Variants in MAGI2 observed in about 807,000 individuals in gnomAD.
MAGI2 encodes the protein membrane associated guanylate kinase, WW and PDZ domain containing 2.
A neutral mutation model predicts 133.3 loss-of-function variants in MAGI2; 35 were observed. The observed-to-expected ratio is 0.26, with a 90% confidence interval of 0.20 to 0.35. MAGI2 has a LOEUF of 0.35. MAGI2 is among the 10% of genes least tolerant of loss of function. MAGI2 has a pLI of 1.00. For synonymous variants in MAGI2, 729 were observed against 710.6 expected (o/e 1.03, Z -0.41); for missense variants, 1,636 against 1,863.4 (o/e 0.88, Z 2.25).
chr7:78,881,542 C>T (rs758998989), intron 2 of MAGI2, among the ~76,000 whole-genome samples: 8 of 151,946 alleles, frequency 5.3e-5, no homozygotes, highest in Non-Finnish European at 1.2e-4. Flanking sequence ...CAAACCTGCA[C>T]ATTGTGAACA....
intron 16 of MAGI2, 43 bp from the exon 17 acceptor site, chr7:78,135,249 A>G (rs145943079): frequency 2.7e-5 from 40 of 1,493,702 alleles, no homozygotes; most frequent in South Asian, 3.5e-5. Context: ...GACATCACCA[A>G]TACATGTTCT....
At chr7:78,034,269 G>C (rs370575532) in intron 21 of MAGI2, among the ~76,000 whole-genome samples, 2 of 152,082 alleles carry the variant, frequency 1.3e-5, no homozygotes, top group African/African-American at 4.8e-5. Context: ...TAGAAAGTTG[G>C]GGGGAAAAAA....
chr7:78,175,351 T>A (rs1307517364), intron 14 of MAGI2, among the ~76,000 whole-genome samples: 3 of 152,126 alleles, frequency 2.0e-5, no homozygotes, highest in Non-Finnish European at 2.9e-5. Flanking sequence ...GACATACTTC[T>A]CCAGGGTAGA....
In MAGI2 at chr7:78,311,415, G is replaced by A. The variant is rs1222676748; in HGVS notation, c.1408+32363C>T. Among the ~76,000 whole-genome samples, 4 of 152,180 alleles carry A rather than the reference G, an allele frequency of 2.6e-5. 1 individual carries two copies. Among genetic ancestry groups the A allele is most frequent in the Non-Finnish European group, 5.9e-5 (4 of 68,030 alleles). On this transcript the variant is annotated intron_variant, in intron 9 of 21. Transcript: ENST00000354212. ...CAATGACTCGAAGTCTCTGCATTTGGCAGTACTGACGAGACAAGAGTCTGG... is the reference window on the plus strand; with the variant it reads ...CAATGACTCGAAGTCTCTGCATTTGACAGTACTGACGAGACAAGAGTCTGG...
chr7:78,219,532 T>G (rs754115113), intron 10 of MAGI2, among the ~76,000 whole-genome samples: 5 of 152,248 alleles, frequency 3.3e-5, no homozygotes, highest in Admixed American at 6.5e-5. Context: ...ACTGAAAACA[T>G]CTAATCTCCT....
chr7:78,179,140 T>A (rs1394636807), intron 13 of MAGI2, among the ~76,000 whole-genome samples: 1 of 152,226 alleles, frequency 6.6e-6, no homozygotes, highest in Non-Finnish European at 1.5e-5. Flanking sequence ...CTATTTATTA[T>A]GCTGTCTCTT....
chr7:79,025,332 C>A (rs1809773513), intron 1 of MAGI2, among the ~76,000 whole-genome samples: 1 of 152,048 alleles, frequency 6.6e-6, no homozygotes, highest in African/African-American at 2.4e-5. Context: ...GGGAACAACA[C>A]ACATTGAGGC....
chr7:78,643,024 A>G (rs1425907539), intron 2 of MAGI2, among the ~76,000 whole-genome samples: 1 of 152,192 alleles, frequency 6.6e-6, no homozygotes, highest in Non-Finnish European at 1.5e-5. Flanking sequence ...GCCAGGAAAG[A>G]ATAATGAAAC....
At chr7:78,735,667 T>C (rs1395395514) in intron 2 of MAGI2, among the ~76,000 whole-genome samples, 1 of 152,214 alleles carries the variant, frequency 6.6e-6, no homozygotes, top group Non-Finnish European at 1.5e-5. Flanking sequence ...GGTGAACTTT[T>C]AATAAATTTA....
At chr7:78,955,707 TTCTTTTTCTTTCTTTC>T (rs1390535649) in intron 2 of MAGI2, among the ~76,000 whole-genome samples, 2 of 50,554 alleles carry the variant, frequency 4.0e-5, no homozygotes, top group African/African-American at 2.4e-4. Flanking sequence ...CTCCCTTTCT[TTCTTTTTCTTTCTTTC>T]TCTTTCTTTC....
At position 79,199,460 on chromosome 7, in the gene MAGI2, C is replaced by T. The variant is rs185207064; in HGVS notation, c.302-192254G>A. 3.2e-4 allele frequency among the ~76,000 whole-genome samples: 49 copies of T among 152,044 alleles called. 1 individual carries two copies. Among genetic ancestry groups the T allele is most frequent in the Admixed American group, 1.4e-3 (21 of 15,284 alleles). On this transcript the variant is annotated intron_variant, in intron 1 of 21. Transcript: ENST00000354212. ...TTCTTTTAGCATCCCTAATTTGCAGCGGAGGCATATGAGGCACAGAGAGAT... is the reference window on the plus strand; with the variant it reads ...TTCTTTTAGCATCCCTAATTTGCAGTGGAGGCATATGAGGCACAGAGAGAT...
At chr7:78,135,730 A>G (rs1822046334) in intron 16 of MAGI2, among the ~76,000 whole-genome samples, 2 of 77,822 alleles carry the variant, frequency 2.6e-5, no homozygotes, top group Non-Finnish European at 5.2e-5. Flanking sequence ...AAAACAAGGA[A>G]GGAAAGAAAT....
intron 2 of MAGI2, among the ~76,000 whole-genome samples, chr7:78,752,631 G>C (rs568483537): frequency 6.6e-6 from 1 of 152,266 alleles, no homozygotes; most frequent in Admixed American, 6.5e-5. Context: ...CATAGTCACA[G>C]AAAGACCCTG....
chr7:78,129,935 C>CAAAAAA (rs61675652), intron 18 of MAGI2, among the ~76,000 whole-genome samples: 32 of 57,138 alleles, frequency 5.6e-4, no homozygotes, highest in East Asian at 2.0e-3. Context: ...AACTCCGCCT[C>CAAAAAA]AAAAAAAAAA....
intron 21 of MAGI2, among the ~76,000 whole-genome samples, chr7:78,049,358 C>A (rs1811773997): frequency 1.3e-5 from 2 of 152,292 alleles, no homozygotes; most frequent in South Asian, 4.1e-4. Context: ...AGCTTAAATT[C>A]ATCTTTGGCT....
rs548046125 is a variant in MAGI2, at chr7:79,376,946, A to G, written c.301+76074T>C. On this transcript the variant is annotated intron_variant, in intron 1 of 21. Transcript: ENST00000354212. Reference sequence around the variant, plus strand: ...TTGGGAAATGCAAATATCAATAAGAAAATATTCTTCTGCTTGGTAGAGTCT... The same window carrying G: ...TTGGGAAATGCAAATATCAATAAGAGAATATTCTTCTGCTTGGTAGAGTCT... Among the ~76,000 whole-genome samples the G allele has an allele frequency of 4.0e-5, 6 of 151,872 alleles. No homozygotes were observed. The South Asian group carries it at 1.2e-3, about 31-fold the overall frequency.
At chr7:78,986,907 A>G (rs1805312966) in intron 2 of MAGI2, among the ~76,000 whole-genome samples, 1 of 151,952 alleles carries the variant, frequency 6.6e-6, no homozygotes, top group Non-Finnish European at 1.5e-5. Context: ...TACAAAGACA[A>G]TCAAGAACAT....
chr7:79,291,651 T>C (rs1836495839), intron 1 of MAGI2, among the ~76,000 whole-genome samples: 1 of 152,176 alleles, frequency 6.6e-6, no homozygotes, highest in Non-Finnish European at 1.5e-5. Context: ...AAATTTGTAC[T>C]TCTATAATGA....
Position 78,931,997 on chromosome 7 carries a change from G to GA in MAGI2, c.418+75092_418+75093insT, listed in dbSNP as rs1563678345. On this transcript the variant is annotated intron_variant, in intron 2 of 21. Transcript: ENST00000354212. ...GTGATGGGTCATAGTCAAAAGGAAG[G>GA]CAAAAAAAAAAAAAAAAACCCACAT... Among the ~76,000 whole-genome samples the GA allele has an allele frequency of 8.9e-3, 1,116 of 125,318 alleles. 13 individuals are homozygous for GA. Among genetic ancestry groups the GA allele is most frequent in the African/African-American group, 0.032 (1,022 of 32,270 alleles). The allele number at this position is 125,318 out of a possible 152,430, so 82.2% of individuals were successfully genotyped here.
Sources: allele counts gnomAD v4.1 joint callset (sites outside exome capture counted in the v4.1 genomes callset), GRCh38; gene constraint gnomAD v4.1.1; transcripts MANE v1.5; gene names NCBI Gene and HGNC (gene_info 2026-07-23, HGNC 2026-07-21).